EOLA2: variants seen among roughly 807,000 people sequenced by gnomAD.
EOLA2 encodes the protein protein EOLA2.
EOLA2 carries 3 observed loss-of-function variants against 4.1 expected under a neutral mutation model. That is an observed-to-expected ratio of 0.73 (90% CI 0.33 to 1.89). EOLA2 has a LOEUF of 1.89. Among genes scored for constraint, EOLA2 ranks in the 40% most tolerant of loss-of-function variants. The pLI is 0.08. For missense variants in EOLA2, 109 were observed against 126.4 expected, an observed-to-expected ratio of 0.86 and a Z score of 0.66; for synonymous variants, 52 against 51.7, an observed-to-expected ratio of 1.01 and a Z score of -0.03.
At chrX:149,931,804 C>CAAAAAAAAAAAAA (rs782666125), downstream of EOLA2, among the ~76,000 whole-genome samples, 1 of 46,821 alleles carries the variant, frequency 2.1e-5, no homozygotes, top group African/African-American at 6.8e-5. Context: ...GCTAAATCAC[C>CAAAAAAAAAAAAA]AAAAAAAAAA....
rs1287407956 is a variant in EOLA2 at position 149,935,389 on chromosome X, C to T, written c.-162-1252G>A. Among the ~76,000 whole-genome samples, 14 of 67,936 alleles carry T rather than the reference C, an allele frequency of 2.1e-4. No individual in the cohort carries two copies. The East Asian group carries it at 2.5e-3, about 12-fold the overall frequency. The allele number at this position is 67,936 out of a possible 115,157, so 59.0% of individuals were successfully genotyped here. On this transcript the variant is annotated intron_variant, in intron 2 of 4. Coordinates refer to ENST00000370406, the MANE Select transcript of EOLA2 (RefSeq NM_001013845.2). ...AGCATCCCTACTCTGAGCACACGCG[C>T]GCCTCCCACTCTGCCTCCCTTCTCT...
At chrX:149,934,863 C>T (rs1352832602) in intron 2 of EOLA2, among the ~76,000 whole-genome samples, 1 of 112,508 alleles carries the variant, frequency 8.9e-6, no homozygotes, top group African/African-American at 3.2e-5. Context: ...TTGGAAGGAA[C>T]CCTGGGCTTG....
At chrX:149,931,181 C>CT (rs2090868554), downstream of EOLA2, 1 of 922,972 alleles carries the variant, frequency 1.1e-6, no homozygotes, top group African/African-American at 2.1e-5. Flanking sequence ...TCACAGGCCA[C>CT]TAATGGCCCA....
intron 4 of EOLA2, 149 bp downstream of exon 4, chrX:149,933,473 T>C: frequency 1.3e-6 from 1 of 755,413 alleles, no homozygotes; most frequent in Non-Finnish European, 1.9e-6. Flanking sequence ...CCCAAGGTCC[T>C]TGCCGCCCCT....
At chrX:149,931,801 CACCA>C (rs2090877243), downstream of EOLA2, among the ~76,000 whole-genome samples, 1 of 64,659 alleles carries the variant, frequency 1.5e-5, no homozygotes, top group East Asian at 4.6e-4. Context: ...TTTGCTAAAT[CACCA>C]AAAAAAAAAA....
Position 149,938,187 on chromosome X carries a change from T to C in EOLA2, c.-211+6A>G, listed in dbSNP as rs1205212816. The C allele has an allele frequency of 1.8e-5, 2 of 113,313 alleles. No individual in the cohort carries two copies. The highest frequency in any genetic ancestry group is 3.7e-5 in the Non-Finnish European group (2 of 53,396). The allele number at this position is 113,313 out of a possible 1,213,427, so 9.3% of individuals were successfully genotyped here. A position where few individuals can be genotyped will look rare whatever the true frequency, so the allele number is the denominator to read the frequency against. On this transcript the variant is annotated splice_donor_region_variant and intron_variant, in intron 1 of 4. Transcript: ENST00000370406. ...ACACGGGCTCCGGCATCAGGGGCCC[T>C]GGTACCTTTCAGCCGCGGCCGGTCT...
chrX:149,932,382 A>C lies in EOLA2; in HGVS notation c.*162T>G, dbSNP rs2067659627. Reference sequence around the variant, plus strand: ...CCCCCTACTTCCTTCATCTGAGCAAAGGAACCTGTTTACATGCACAGTGCT... The same window carrying C: ...CCCCCTACTTCCTTCATCTGAGCAACGGAACCTGTTTACATGCACAGTGCT... On this transcript the variant is annotated 3_prime_UTR_variant, in exon 5 of 5. Coordinates refer to ENST00000370406, the MANE Select transcript of EOLA2 (RefSeq NM_001013845.2). 9.3e-7 allele frequency: 1 copy of C among 1,072,058 alleles called. No homozygotes were observed. The highest frequency in any genetic ancestry group is 1.2e-6 in the Non-Finnish European group (1 of 823,739). The allele number at this position is 1,072,058 out of a possible 1,213,427, so 88.3% of individuals were successfully genotyped here.
chrX:149,930,937 A>G, downstream of EOLA2: 1 of 925,123 alleles, frequency 1.1e-6, no homozygotes, highest in East Asian at 4.2e-5. Flanking sequence ...GGAATGTCAC[A>G]TTTACATCTT....
At position 149,933,792 on chromosome X, in the gene EOLA2, C is replaced by T. The variant is rs140841672; in HGVS notation, c.83G>A (p.Arg28His). 42 of 1,199,089 alleles carry T rather than the reference C, an allele frequency of 3.5e-5. 1 individual carries two copies. Among genetic ancestry groups the T allele is most frequent in the Middle Eastern group, 2.3e-4 (1 of 4,308 alleles). ...NGIKTVETRW[R>H]PLLSSQRNCT... Reference sequence around the variant, plus strand: ...GTTCCGCTGGCTGCTCAGCAGAGGACGCCAGCGCGTCTCCACAGTCTTGAT... The same window carrying T: ...GTTCCGCTGGCTGCTCAGCAGAGGATGCCAGCGCGTCTCCACAGTCTTGAT... The change falls in exon 4 of 5, where the codon CGT (arginine) becomes CAT (histidine). Residue 28 changes from arginine (R) to histidine (H), a missense_variant. Transcript: ENST00000370406.
downstream of EOLA2, among the ~76,000 whole-genome samples, chrX:149,931,792 T>C (rs1403484032): frequency 4.5e-5 from 4 of 89,155 alleles, no homozygotes; most frequent in Middle Eastern, 5.3e-3. Context: ...ACTAGAAACT[T>C]TGCTAAATCA....
In EOLA2 at chrX:149,932,762, C is replaced by G. The variant is rs1557374763; in HGVS notation, c.259G>C (p.Val87Leu). The G allele has an allele frequency of 2.5e-6, 3 of 1,196,064 alleles. No individual in the cohort carries two copies. The highest frequency in any genetic ancestry group is 2.3e-4 in the Middle Eastern group (1 of 4,317). Residue 87 changes from valine to leucine, a missense_variant, in exon 5 of 5, where the codon GTT (valine) becomes CTT (leucine). Coordinates refer to ENST00000370406, the MANE Select transcript of EOLA2 (RefSeq NM_001013845.2). ...KFGRGVIAGL[V>L]DIGETLQCPE... ...CATTGCAAAGTTTCCCCAATGTCAA[C>G]GAGTCCTGTACACAAAGAGAGATAC...
chrX:149,935,935 C>G (rs1380509729), intron 2 of EOLA2, among the ~76,000 whole-genome samples: 10 of 107,125 alleles, frequency 9.3e-5, no homozygotes, highest in Admixed American at 2.0e-4. Flanking sequence ...TCCATAATCT[C>G]TATGGCCACA....
intron 2 of EOLA2, among the ~76,000 whole-genome samples, chrX:149,936,009 C>A (rs1449353824): frequency 4.4e-5 from 4 of 89,939 alleles, no homozygotes; most frequent in Admixed American, 1.2e-4. Flanking sequence ...CACCCCCACC[C>A]CCCCCCAGCA....
downstream of EOLA2, chrX:149,930,237 T>C: frequency 9.3e-7 from 1 of 1,076,654 alleles, no homozygotes; most frequent in South Asian, 2.5e-5. Context: ...AAAGATAGCA[T>C]TTGAAAATGT....
Position 149,934,058 on chromosome X carries a change from C to T in EOLA2, c.-83G>A. On this transcript the variant is annotated 5_prime_UTR_variant, in exon 3 of 5. An upstream open reading frame in the 5' UTR gains an earlier in-frame stop. Transcript: ENST00000370406. ...CTGATGTCGAGCACCACAGCAGGCC[C>T]AAGGGAAGGGGCTAGGATTCGGCTG... 3.7e-6 allele frequency: 4 copies of T among 1,087,146 alleles called. No individual in the cohort carries two copies. Among genetic ancestry groups the T allele is most frequent in the Non-Finnish European group, 3.6e-6 (3 of 838,537 alleles). 89.6% of individuals were successfully genotyped at this position (1,087,146 alleles called of 1,213,427 possible).
rs1557375213 is a variant in EOLA2 at position 149,933,794 on chromosome X, C to T, written c.81G>A (p.Trp27Ter). The change falls in exon 4 of 5, where the codon TGG (tryptophan) becomes TGA (stop). Residue 27 changes from tryptophan (W) to a stop codon, truncating the protein, a stop_gained. Transcript: ENST00000370406. LOFTEE classifies it high-confidence loss of function. ...LNGIKTVETR[W>*]RPLLSSQRNC... ...TCCGCTGGCTGCTCAGCAGAGGACG[C>T]CAGCGCGTCTCCACAGTCTTGATTC... is the stretch of plus-strand genomic sequence containing the variant. The T allele has an allele frequency of 4.2e-6, 5 of 1,201,927 alleles. No individual in the cohort carries two copies. Among genetic ancestry groups the T allele is most frequent in the Middle Eastern group, 2.3e-4 (1 of 4,309 alleles).
chrX:149,936,908 A>G (rs782312387), intron 2 of EOLA2, among the ~76,000 whole-genome samples: 37 of 107,419 alleles, frequency 3.4e-4, no homozygotes, highest in African/African-American at 1.2e-3. Flanking sequence ...AATTTGCCTG[A>G]CCATTCCTCC....
rs187496532 is a variant in EOLA2 at position 149,932,605 on chromosome X, C to A, written c.416G>T (p.Gly139Val). 10 of 1,203,625 alleles carry A rather than the reference C, an allele frequency of 8.3e-6. No homozygotes were observed. In the East Asian group the frequency reaches 2.4e-4, roughly 29 times the overall value. Residue 139 changes from glycine to valine, a missense_variant, in exon 5 of 5, where the codon GGC becomes GTC. Physicochemically the swap from Gly to Val is moderately radical, Grantham distance 109 (BLOSUM62 -3). Coordinates refer to ENST00000370406, the MANE Select transcript of EOLA2 (RefSeq NM_001013845.2). Reference protein sequence around the residue: ...WLLEPIPRKGGKDVFQVDIPE... With the variant: ...WLLEPIPRKGVKDVFQVDIPE... ...GATGTCTACCTGGAATACATCCTTG[C>A]CTCCTTTCCTAGGTATGGGCTCCAG...
chrX:149,934,067 G>A lies in EOLA2; in HGVS notation c.-92C>T, dbSNP rs1356761095. On this transcript the variant is annotated 5_prime_UTR_variant, in exon 3 of 5. Transcript: ENST00000370406. ...AGCACCACAGCAGGCCCAAGGGAAG[G>A]GGCTAGGATTCGGCTGACTCAGGTC... 1 of 1,081,644 alleles carries A rather than the reference G, an allele frequency of 9.2e-7. No homozygotes were observed. The highest frequency in any genetic ancestry group is 2.0e-5 in the African/African-American group (1 of 49,762). 89.1% of individuals were successfully genotyped at this position (1,081,644 alleles called of 1,213,427 possible).
Sources: allele counts gnomAD v4.1 joint callset (sites outside exome capture counted in the v4.1 genomes callset), GRCh38; gene constraint gnomAD v4.1.1; transcripts MANE v1.5; gene names NCBI Gene and HGNC (gene_info 2026-07-23, HGNC 2026-07-21).